Variants in SLC8B1 observed in about 807,000 individuals in gnomAD.
The protein encoded by SLC8B1 is solute carrier family 8 member B1.
Under a neutral mutation model 63.4 loss-of-function variants are expected in SLC8B1, and 52 were observed. The observed-to-expected ratio is 0.82, with a 90% CI of 0.66 to 1.03. The LOEUF (loss-of-function observed/expected upper bound fraction) is 1.03. SLC8B1 is among the 50% of genes least tolerant of loss of function. The probability of loss-of-function intolerance (pLI) is 0.00; values close to 1 mark genes in which losing one functional copy is unlikely to be tolerated. For synonymous variants in SLC8B1, 336 were observed against 323.9 expected (o/e 1.04, Z -0.40); for missense variants, 657 against 741.7 (o/e 0.89, Z 1.33).
chr12:113,300,312 A>G (rs1348980401), intron 15 of SLC8B1, among the ~76,000 whole-genome samples: 1 of 152,116 alleles, frequency 6.6e-6, no homozygotes, highest in African/African-American at 2.4e-5. Context: ...CCACTGGCCA[A>G]TACAGTGAAA....
intron 8 of SLC8B1, 47 bp downstream of exon 8, chr12:113,318,917 C>T (rs200072685): frequency 6.8e-7 from 1 of 1,478,630 alleles, no homozygotes; most frequent in Non-Finnish European, 9.4e-7. Context: ...GGCACAGAGG[C>T]CCCCAGTCCC....
At position 113,332,922 on chromosome 12, in the gene SLC8B1, G is replaced by A. The variant is rs1957076956; in HGVS notation, c.-44C>T. The A allele has an allele frequency of 1.9e-6, 3 of 1,602,878 alleles. No individual in the cohort carries two copies. The highest frequency in any genetic ancestry group is 2.6e-6 in the Non-Finnish European group (3 of 1,176,056). On this transcript the variant is annotated 5_prime_UTR_variant, in exon 2 of 16. Coordinates refer to ENST00000680972, the MANE Select transcript of SLC8B1 (RefSeq NM_001358345.2). ...GCCCTTACTCTCCACTTCCCTTTCT[G>A]CAGTAGCTCAGTTCCAAACAGCTGG...
chr12:113,302,340 G>A (rs1196905196), intron 15 of SLC8B1: 2 of 231,612 alleles, frequency 8.6e-6, no homozygotes, highest in African/African-American at 4.6e-5. Context: ...TGGAAGAGGT[G>A]AGGAAGGATC....
At chr12:113,309,585 C>A (rs1323935593) in intron 12 of SLC8B1, among the ~76,000 whole-genome samples, 1 of 152,048 alleles carries the variant, frequency 6.6e-6, no homozygotes, top group Non-Finnish European at 1.5e-5. Context: ...GAGACCTCAT[C>A]TTTACAAAAA....
rs186511837 is a variant in SLC8B1, at chr12:113,305,492, C to T, written c.1492+1003G>A. 2.7e-4 allele frequency among the ~76,000 whole-genome samples: 41 copies of T among 152,314 alleles called. No homozygotes were observed. Among genetic ancestry groups the T allele is most frequent in the Admixed American group, 1.3e-3 (20 of 15,306 alleles). On this transcript the variant is annotated intron_variant, in intron 14 of 15. Coordinates refer to ENST00000680972, the MANE Select transcript of SLC8B1 (RefSeq NM_001358345.2). The surrounding 1 kb of genome is among the most constrained non-coding windows in gnomAD (Gnocchi z 4.3). ...CACTGCTGGCCGAATGCCTGCCGTGCGCCAGGCACTGTCTGGAACCCACAA... is the reference window on the plus strand; with the variant it reads ...CACTGCTGGCCGAATGCCTGCCGTGTGCCAGGCACTGTCTGGAACCCACAA...
Position 113,316,532 on chromosome 12 carries a change from C to T in SLC8B1, c.987G>A (p.Val329=). ...RKSAYWKALK[V]FKLPVEFLLL... ...GGCTCCAGGACCCTCCTACCTTGAA[C>T]ACCTTGAGGGCTTTCCAGTATGCTG... The change falls in exon 10 of 16, where the codon GTG becomes GTA. Residue 329 remains valine, a synonymous_variant. Transcript: ENST00000680972. 6.2e-7 allele frequency: 1 copy of T among 1,613,934 alleles called. No individual in the cohort carries two copies. The highest frequency in any genetic ancestry group is 8.5e-7 in the Non-Finnish European group (1 of 1,179,868).
chr12:113,317,923 G>A (rs1265091743), intron 8 of SLC8B1, among the ~76,000 whole-genome samples: 1 of 152,012 alleles, frequency 6.6e-6, no homozygotes, highest in Non-Finnish European at 1.5e-5. Flanking sequence ...GTATGTGTAT[G>A]TTGCATGTGT....
chr12:113,333,238 G>A (rs1307853937), intron 1 of SLC8B1, among the ~76,000 whole-genome samples: 2 of 152,130 alleles, frequency 1.3e-5, no homozygotes, highest in Non-Finnish European at 2.9e-5. Flanking sequence ...GGGCTGCAAG[G>A]GACTTGGGAC....
Position 113,310,321 on chromosome 12 carries a change from G to A in SLC8B1, c.1170C>T (p.Val390=). 1.9e-6 allele frequency: 3 copies of A among 1,614,036 alleles called. No individual in the cohort carries two copies. Among genetic ancestry groups the A allele is most frequent in the Non-Finnish European group, 2.5e-6 (3 of 1,179,996 alleles). The change falls in exon 12 of 16, where the codon GTC becomes GTT. Residue 390 remains valine, a synonymous_variant. Coordinates refer to ENST00000680972, the MANE Select transcript of SLC8B1 (RefSeq NM_001358345.2). ...GVYEIGGLVP[V]WVVVVIAGTA... ...TGCCTGCGATCACCACCACGACCCA[G>A]ACGGGAACGAGGCCGCCTATCTCAT...
chr12:113,301,951 C>T (rs1446382298), intron 15 of SLC8B1, among the ~76,000 whole-genome samples: 1 of 152,086 alleles, frequency 6.6e-6, no homozygotes, highest in Non-Finnish European at 1.5e-5. Context: ...AATGAATGAG[C>T]GAGAGCCAAA....
chr12:113,319,106 T>C (rs745453966), intron 7 of SLC8B1, 35 bp from the exon 8 acceptor site: 17 of 1,534,340 alleles, frequency 1.1e-5, no homozygotes, highest in Non-Finnish European at 1.5e-5. Flanking sequence ...CCAAGTGGTG[T>C]CCTGGTGCAG....
At chr12:113,316,425 G>A in intron 10 of SLC8B1, 101 bp downstream of exon 10, 2 of 1,441,616 alleles carry the variant, frequency 1.4e-6, no homozygotes, top group Middle Eastern at 4.0e-4. Flanking sequence ...GAGGGTCTCA[G>A]TGGACCCCAG....
chr12:113,307,598 C>T (rs1422554750), intron 13 of SLC8B1, 93 bp downstream of exon 13: 10 of 1,460,054 alleles, frequency 6.8e-6, no homozygotes, highest in Non-Finnish European at 9.3e-6. Flanking sequence ...ACACCCTGGA[C>T]ACTCCTGCCC....
Position 113,305,866 on chromosome 12 carries a change from C to T in SLC8B1, c.1492+629G>A, listed in dbSNP as rs1391388711. On this transcript the variant is annotated intron_variant, in intron 14 of 15. Transcript: ENST00000680972. The surrounding 1 kb of genome is among the most constrained non-coding windows in gnomAD (Gnocchi z 4.3). ...TTGAGGTCAGGAGTTTGAGAACAGC[C>T]TGGCCAACATAGTGAAACCCTGTCT... Among the ~76,000 whole-genome samples, 1 of 151,946 alleles carries T rather than the reference C, an allele frequency of 6.6e-6. No individual in the cohort carries two copies. The highest frequency in any genetic ancestry group is 1.5e-5 in the Non-Finnish European group (1 of 68,008).
chr12:113,321,273 C>T lies in SLC8B1; in HGVS notation c.232G>A (p.Gly78Arg), dbSNP rs748267983. The T allele has an allele frequency of 6.2e-7, 1 of 1,614,158 alleles. No individual in the cohort carries two copies. Among genetic ancestry groups the T allele is most frequent in the Non-Finnish European group, 8.5e-7 (1 of 1,180,028 alleles). The change falls in exon 3 of 16, where the codon GGG becomes AGG. Residue 78 changes from glycine to arginine, a missense_variant. Transcript: ENST00000680972. ...IRTNPDCHSD[G>R]GYLDYLEGIF... ...CCTTCCAGGTAGTCCAGGTACCCCC[C>T]ATCACTGTGGCAGTCAGGGTTGGTC...
At chr12:113,317,270 T>G (rs1218745411) in intron 8 of SLC8B1, among the ~76,000 whole-genome samples, 1 of 151,998 alleles carries the variant, frequency 6.6e-6, no homozygotes, top group African/African-American at 2.4e-5. Context: ...TTTTAAAAAT[T>G]TTAGAGATGG....
At chr12:113,324,402 C>CTTTTT (rs780610962) in intron 2 of SLC8B1, among the ~76,000 whole-genome samples, 4 of 130,828 alleles carry the variant, frequency 3.1e-5, no homozygotes, top group Admixed American at 7.7e-5. Flanking sequence ...TCAGCTCTAC[C>CTTTTT]TTTTTTTTTT....
In SLC8B1 at chr12:113,334,780, T is replaced by C. The variant is rs530538654; in HGVS notation, c.-420A>G. The C allele has an allele frequency of 2.0e-5, 3 of 152,354 alleles. No individual in the cohort carries two copies. The East Asian group carries it at 5.8e-4, about 29-fold the overall frequency. The allele number at this position is 152,354 out of a possible 1,614,324, so 9.4% of individuals were successfully genotyped here. On this transcript the variant is annotated 5_prime_UTR_variant, in exon 1 of 16. The change creates a new upstream start codon in the 5' untranslated region. Transcript: ENST00000680972. Reference sequence around the variant, plus strand: ...TTTTACTGATTCACTAGTGAGCATTTATTGAGCGCCTTCTGTACGCGTGGG... The same window carrying C: ...TTTTACTGATTCACTAGTGAGCATTCATTGAGCGCCTTCTGTACGCGTGGG...
At chr12:113,330,668 C>A (rs148651809) in intron 2 of SLC8B1, among the ~76,000 whole-genome samples, 209 of 152,344 alleles carry the variant, frequency 1.4e-3, no homozygotes, top group African/African-American at 4.8e-3. Flanking sequence ...AATTTTATAA[C>A]CACAGTAACC....
Sources: allele counts gnomAD v4.1 joint callset (sites outside exome capture counted in the v4.1 genomes callset), GRCh38; gene constraint gnomAD v4.1.1; non-coding constraint Gnocchi (gnomAD v3.1); transcripts MANE v1.5; gene names NCBI Gene and HGNC (gene_info 2026-07-23, HGNC 2026-07-21).